RPP40: variants seen among roughly 807,000 people sequenced by gnomAD.
RPP40 encodes the protein ribonuclease P/MRP subunit p40, also known as ribonuclease P protein subunit p40.
In RPP40, 30 loss-of-function variants were observed where a neutral mutation model predicts 42.5. The observed-to-expected ratio is 0.71, with a 90% CI of 0.53 to 0.96. The LOEUF (loss-of-function observed/expected upper bound fraction) is 0.96, where lower values mean the gene tolerates loss of function less well. RPP40 is among the 40% of genes least tolerant of loss of function. RPP40 has a pLI of 0.00. For missense variants in RPP40, 426 were observed against 433.5 expected (o/e 0.98, Z 0.15); for synonymous variants, 173 against 164.0 (o/e 1.05, Z -0.42).
At chr6:4,989,359 G>A in the RPP40 span, among the ~76,000 whole-genome samples, 2 of 151,988 alleles carry the variant, frequency 1.3e-5, no homozygotes, top group Admixed American at 6.5e-5. Context: ...AATATTAGTC[G>A]TCTAACTTGG....
downstream of RPP40, among the ~76,000 whole-genome samples, chr6:4,994,116 G>C: frequency 6.6e-6 from 1 of 150,802 alleles, no homozygotes; most frequent in East Asian, 2.0e-4. Context: ...TGCAGCTCTT[G>C]TTTTTTACAT....
rs1759368838 is a variant in RPP40, at chr6:4,996,079, A to G, written c.765T>C (p.Asn255=). The G allele has an allele frequency of 6.2e-7, 1 of 1,613,802 alleles. No individual in the cohort carries two copies. Among genetic ancestry groups the G allele is most frequent in the Admixed American group, 1.7e-5 (1 of 59,944 alleles). ...AGGTTGATATGAAATTATTAGGCTCATTATTTCTGTCACCAAAAAAATAAA... is the reference window on the plus strand; with the variant it reads ...AGGTTGATATGAAATTATTAGGCTCGTTATTTCTGTCACCAAAAAAATAAA... ...GAVFSNVDLN[N]EPNNFISTYC... is the part of the protein sequence containing the mutation. The change falls in exon 7 of 8, where the codon AAT becomes AAC. Residue 255 remains asparagine (N), a synonymous_variant. Coordinates refer to ENST00000380051, the MANE Select transcript of RPP40 (RefSeq NM_006638.4).
rs146129806 is a variant in RPP40, at chr6:5,000,248, C to T, written c.337+315G>A. Among the ~76,000 whole-genome samples the T allele has an allele frequency of 1.9e-3, 291 of 151,922 alleles. 2 individuals carry two copies. Among genetic ancestry groups the T allele is most frequent in the African/African-American group, 6.6e-3 (275 of 41,430 alleles). On this transcript the variant is annotated intron_variant, in intron 3 of 7. Transcript: ENST00000380051. ...TGTCTCCCAGGCTGGAGCGCAGTGG[C>T]GCAATCTTGGCTCACTGCAACCTCC...
At chr6:4,991,598 AATT>A (rs1759262606), downstream of RPP40, among the ~76,000 whole-genome samples, 1 of 152,222 alleles carries the variant, frequency 6.6e-6, no homozygotes, top group Admixed American at 6.5e-5. Flanking sequence ...TTGTTCTGTC[AATT>A]ATTGAGGGTG....
intron 5 of RPP40, among the ~76,000 whole-genome samples, chr6:4,997,226 G>A (rs1041656768): frequency 3.9e-4 from 60 of 152,352 alleles, no homozygotes; most frequent in African/African-American, 1.4e-3. Flanking sequence ...TTCTAGGTGT[G>A]TCTGTGAGGG....
At chr6:5,000,518 ATT>A in intron 3 of RPP40, 43 bp downstream of exon 3, 1 of 948,880 alleles carries the variant, frequency 1.1e-6, no homozygotes, top group Non-Finnish European at 1.5e-6. Context: ...TACAGTATGC[ATT>A]TTTTTTTAAC....
downstream of RPP40, among the ~76,000 whole-genome samples, chr6:4,990,944 T>C (rs1759252054): frequency 6.6e-6 from 1 of 152,198 alleles, no homozygotes; most frequent in Non-Finnish European, 1.5e-5. Context: ...AAGGTGTTCC[T>C]AATATTTCCT....
intron 7 of RPP40, 102 bp downstream of exon 7, chr6:4,995,849 A>G: frequency 8.6e-7 from 1 of 1,164,324 alleles, no homozygotes; most frequent in Non-Finnish European, 1.2e-6. Flanking sequence ...TTCAATGTAC[A>G]TTTTATTTAT....
At chr6:5,000,279 C>T (rs1759509643) in intron 3 of RPP40, among the ~76,000 whole-genome samples, 1 of 152,116 alleles carries the variant, frequency 6.6e-6, no homozygotes, top group African/African-American at 2.4e-5. Context: ...CCTCCGCCTC[C>T]CAGGTTCAAA....
intron 1 of RPP40, 164 bp downstream of exon 1, chr6:5,003,716 C>T (rs994196046): frequency 3.5e-6 from 3 of 868,566 alleles, no homozygotes; most frequent in Non-Finnish European, 5.1e-6. Context: ...AAGCCACTGG[C>T]TTAGAGCAGT....
chr6:4,999,928 A>G (rs760525703), intron 3 of RPP40, 24 bp from the exon 4 acceptor site: 1 of 1,378,342 alleles, frequency 7.3e-7, no homozygotes, highest in East Asian at 2.3e-5. Flanking sequence ...AATAACTCCC[A>G]TAAGATACCA....
chr6:4,998,506 C>T (rs577426894), intron 5 of RPP40, among the ~76,000 whole-genome samples: 13 of 152,314 alleles, frequency 8.5e-5, no homozygotes, highest in East Asian at 5.8e-4. Context: ...CCCAAAGAGA[C>T]GCAGGCAGAA....
intron 1 of RPP40, among the ~76,000 whole-genome samples, chr6:5,003,402 A>G (rs1309807364): frequency 1.3e-5 from 2 of 150,382 alleles, no homozygotes; most frequent in Non-Finnish European, 1.5e-5. Context: ...GAGCCTAGGC[A>G]GGATGCTCTG....
chr6:5,003,849 G>T, intron 1 of RPP40, 31 bp downstream of exon 1: 2 of 1,593,102 alleles, frequency 1.3e-6, no homozygotes, highest in Non-Finnish European at 1.7e-6. Flanking sequence ...GACTGAGCAC[G>T]GCCCGAAAAG....
intron 2 of RPP40, chr6:5,001,892 C>T (rs1759569128): frequency 2.0e-6 from 1 of 503,586 alleles, no homozygotes; most frequent in Non-Finnish European, 3.5e-6. Flanking sequence ...CCATCCAACA[C>T]TTGTGGCCAA....
Position 4,995,046 on chromosome 6 carries a change from T to C in RPP40, c.*32A>G, listed in dbSNP as rs1229061128. Reference sequence around the variant, plus strand: ...TAAGAAATCTGAAAGCAAGCGTAAATGTAAGTAAACACGATTTTTAATTTT... The same window carrying C: ...TAAGAAATCTGAAAGCAAGCGTAAACGTAAGTAAACACGATTTTTAATTTT... On this transcript the variant is annotated 3_prime_UTR_variant, in exon 8 of 8. Coordinates refer to ENST00000380051, the MANE Select transcript of RPP40 (RefSeq NM_006638.4). 1 of 1,568,482 alleles carries C rather than the reference T, an allele frequency of 6.4e-7. No homozygotes were observed.
In RPP40 at chr6:5,003,936, C is replaced by T. The variant is rs754502301; in HGVS notation, c.67G>A (p.Gly23Ser). 4 of 1,613,610 alleles carry T rather than the reference C, an allele frequency of 2.5e-6. No individual in the cohort carries two copies. The highest frequency in any genetic ancestry group is 3.4e-6 in the Non-Finnish European group (4 of 1,179,752). ...HLLVCEKSNFGNHKSRHRHLV... is the reference protein window; with the variant it reads ...HLLVCEKSNFSNHKSRHRHLV... ...TGCCGGTGGCGCGACTTGTGGTTGC[C>T]GAAGTTGGATTTCTCGCAAACCAGT... Residue 23 changes from glycine to serine, a missense_variant, in exon 1 of 8, where the codon GGC becomes AGC. By Grantham distance (56) the Gly-to-Ser change is moderately conservative. Coordinates refer to ENST00000380051, the MANE Select transcript of RPP40 (RefSeq NM_006638.4).
chr6:5,001,476 TACC>T (rs937127943), intron 2 of RPP40, among the ~76,000 whole-genome samples: 26 of 152,310 alleles, frequency 1.7e-4, no homozygotes, highest in African/African-American at 6.3e-4. Context: ...ACATGGGGGC[TACC>T]ACAAGATAAG....
chr6:4,996,490 A>C (rs967106258), intron 5 of RPP40, 70 bp from the exon 6 acceptor site: 1 of 1,397,902 alleles, frequency 7.2e-7, no homozygotes, highest in African/African-American at 1.4e-5. Context: ...TGAATACCTG[A>C]ACCCACCCAT....
Sources: gnomAD v4.1 joint callset for allele counts (sites outside exome capture counted in the v4.1 genomes callset) on GRCh38, gnomAD v4.1.1 for gene constraint, MANE v1.5 for transcripts, NCBI Gene and HGNC (gene_info 2026-07-23, HGNC 2026-07-21) for gene names.